PCDHA2: variants seen among roughly 807,000 people sequenced by gnomAD.
The protein encoded by PCDHA2 is protocadherin alpha-2.
In PCDHA2, 58 loss-of-function variants were observed where a neutral mutation model predicts 66.0. The ratio of observed to expected loss-of-function variants is 0.88; its 90% CI spans 0.71 to 1.09. The LOEUF is 1.09. Among genes scored for constraint, PCDHA2 ranks in the 50% least tolerant of loss-of-function variants. PCDHA2 has a pLI of 0.00. For synonymous variants in PCDHA2, 634 were observed against 554.0 expected (o/e 1.14, Z -2.03); for missense variants, 1,267 against 1,242.3 (o/e 1.02, Z -0.30).
chr5:140,831,878 G>T (rs2150197940), intron 1 of PCDHA2, among the ~76,000 whole-genome samples: 2 of 152,198 alleles, frequency 1.3e-5, no homozygotes, highest in African/African-American at 4.8e-5. Flanking sequence ...ATTGTAAGGC[G>T]CTTATAACTG....
intron 1 of PCDHA2, among the ~76,000 whole-genome samples, chr5:140,959,741 C>T (rs1415934970): frequency 6.6e-6 from 1 of 152,068 alleles, no homozygotes; most frequent in Admixed American, 6.6e-5. Flanking sequence ...CATCAAAATG[C>T]CTTAAAGTAT....
chr5:140,910,175 T>C (rs1296033470), intron 1 of PCDHA2, among the ~76,000 whole-genome samples: 1 of 152,240 alleles, frequency 6.6e-6, no homozygotes. Flanking sequence ...CCTCTGTTTT[T>C]ATAATTCAAA....
intron 1 of PCDHA2, among the ~76,000 whole-genome samples, chr5:140,900,791 T>A (rs2068293056): frequency 6.6e-6 from 1 of 152,200 alleles, no homozygotes; most frequent in African/African-American, 2.4e-5. Flanking sequence ...TCCAAACTGT[T>A]CTCCATAGTG....
chr5:140,804,943 C>G, intron 1 of PCDHA2: 2 of 1,240,972 alleles, frequency 1.6e-6, no homozygotes, highest in Non-Finnish European at 2.1e-6. Context: ...TTTGTTGCTC[C>G]CTTGTCCATG....
At chr5:140,900,058 C>G (rs1013599044) in intron 1 of PCDHA2, among the ~76,000 whole-genome samples, 1 of 152,160 alleles carries the variant, frequency 6.6e-6, no homozygotes, top group Non-Finnish European at 1.5e-5. Flanking sequence ...GATCCTTTAA[C>G]CTCAGCCTCC....
chr5:140,795,095 T>C lies in PCDHA2; in HGVS notation c.131T>C (p.Phe44Ser). 2 of 1,613,974 alleles carry C rather than the reference T, an allele frequency of 1.2e-6. No individual in the cohort carries two copies. The highest frequency in any genetic ancestry group is 1.7e-6 in the Non-Finnish European group (2 of 1,180,034). Residue 44 changes from phenylalanine (F) to serine (S), a missense_variant, in exon 1 of 4, where the codon TTC becomes TCC. By Grantham distance (155) the Phe-to-Ser change is radical. Coordinates refer to ENST00000526136, the MANE Select transcript of PCDHA2 (RefSeq NM_018905.3). ...SVPEEAKHGTFVGRIAQDLGL... is the reference protein window; with the variant it reads ...SVPEEAKHGTSVGRIAQDLGL... ...CCCGAGGAGGCCAAACACGGCACCTTCGTGGGCCGCATCGCGCAGGACCTG... is the reference window on the plus strand; with the variant it reads ...CCCGAGGAGGCCAAACACGGCACCTCCGTGGGCCGCATCGCGCAGGACCTG...
chr5:140,929,549 T>G, intron 1 of PCDHA2: 1 of 500,966 alleles, frequency 2.0e-6, no homozygotes, highest in Non-Finnish European at 3.3e-6. Context: ...GGGCAAAAAT[T>G]AAAACCTATT....
chr5:140,808,219 C>T (rs782019485), intron 1 of PCDHA2: 1 of 1,614,194 alleles, frequency 6.2e-7, no homozygotes, highest in South Asian at 1.1e-5. Flanking sequence ...AAGACAACAA[C>T]GATAATGTCC....
At chr5:140,803,419 G>A (rs1763195190) in intron 1 of PCDHA2, 2 of 1,614,112 alleles carry the variant, frequency 1.2e-6, no homozygotes, top group Non-Finnish European at 8.5e-7. Flanking sequence ...ACGCTGGTGT[G>A]CTCCAGCGCG....
At chr5:140,878,832 G>A (rs1416879653) in intron 1 of PCDHA2, among the ~76,000 whole-genome samples, 1 of 152,138 alleles carries the variant, frequency 6.6e-6, no homozygotes, top group African/African-American at 2.4e-5. Flanking sequence ...TGCACAGGCT[G>A]GACTAGAACT....
At chr5:140,838,340 T>G (rs1451086818) in intron 1 of PCDHA2, among the ~76,000 whole-genome samples, 1 of 149,952 alleles carries the variant, frequency 6.7e-6, no homozygotes, top group Non-Finnish European at 1.5e-5. Context: ...CCCCGGCTGG[T>G]CTCGAAATCT....
intron 1 of PCDHA2, among the ~76,000 whole-genome samples, chr5:140,879,982 T>A (rs1554171120): frequency 1.3e-5 from 2 of 152,226 alleles, no homozygotes; most frequent in Non-Finnish European, 2.9e-5. Context: ...CCTTTCAAGA[T>A]CCTTAACTTA....
intron 1 of PCDHA2, among the ~76,000 whole-genome samples, chr5:140,806,319 C>T (rs1763717488): frequency 6.6e-6 from 1 of 152,164 alleles, no homozygotes; most frequent in African/African-American, 2.4e-5. Context: ...AGCTTAGGCA[C>T]ATTACATACT....
intron 1 of PCDHA2, chr5:140,871,342 T>C: frequency 6.2e-7 from 1 of 1,614,120 alleles, no homozygotes; most frequent in Non-Finnish European, 8.5e-7. Context: ...GGTGGGGAGC[T>C]GGTCATACTC....
At chr5:140,971,844 C>T (rs1209652703) in intron 1 of PCDHA2, among the ~76,000 whole-genome samples, 2 of 151,920 alleles carry the variant, frequency 1.3e-5, no homozygotes, top group African/African-American at 2.4e-5. Flanking sequence ...GCAAGTCATG[C>T]GTTAAATATT....
At chr5:140,859,049 C>A (rs1416112480) in intron 1 of PCDHA2, 2 of 150,472 alleles carry the variant, frequency 1.3e-5, no homozygotes, top group African/African-American at 4.9e-5. Flanking sequence ...AAAACGTTTT[C>A]CATTTTTATT....
chr5:140,840,702 AT>A (rs1776827167), intron 1 of PCDHA2, among the ~76,000 whole-genome samples: 1 of 152,096 alleles, frequency 6.6e-6, no homozygotes, highest in South Asian at 2.1e-4. Flanking sequence ...GGTTCAGGCA[AT>A]TTGACATTTA....
chr5:140,989,019 T>C (rs1429425323), intron 3 of PCDHA2: 1 of 152,238 alleles, frequency 6.6e-6, no homozygotes, highest in East Asian at 1.9e-4. Context: ...TATAGTTTCT[T>C]CAGTTATCAT....
Position 140,899,097 on chromosome 5 carries a change from T to C in PCDHA2, c.2389-79852T>C, listed in dbSNP as rs1160754058. Among the ~76,000 whole-genome samples the C allele has an allele frequency of 9.8e-3, 1,481 of 151,828 alleles. 12 individuals carry two copies. The highest frequency in any genetic ancestry group is 0.026 in the African/African-American group (1,065 of 41,212). ...AGCTTAAGGAGATTTTGGGCTGAGATAATGGGGTTTTCTAGATATACAATC... is the reference window on the plus strand; with the variant it reads ...AGCTTAAGGAGATTTTGGGCTGAGACAATGGGGTTTTCTAGATATACAATC... On this transcript the variant is annotated intron_variant, in intron 1 of 3. Transcript: ENST00000526136.
Sources: gnomAD v4.1 joint callset for allele counts (sites outside exome capture counted in the v4.1 genomes callset) on GRCh38, gnomAD v4.1.1 for gene constraint, MANE v1.5 for transcripts, NCBI Gene and HGNC (gene_info 2026-07-23, HGNC 2026-07-21) for gene names.